The following TAF3 variants were observed in gnomAD, a reference collection of about 807,000 sequenced individuals.
TAF3 encodes TATA-box binding protein associated factor 3.
A neutral mutation model predicts 80.6 loss-of-function variants in TAF3; 7 were observed. That is an observed-to-expected ratio of 0.09 (90% CI 0.05 to 0.16). The LOEUF is 0.16. TAF3 is among the 10% of genes least tolerant of loss of function. The pLI is 1.00. For synonymous variants in TAF3, 444 were observed against 446.1 expected (o/e 1.00, Z 0.06); for missense variants, 921 against 1,140.2 (o/e 0.81, Z 2.77).
At chr10:7,957,483 G>A (rs1015308257) in intron 2 of TAF3, among the ~76,000 whole-genome samples, 1 of 152,084 alleles carries the variant, frequency 6.6e-6, no homozygotes, top group Non-Finnish European at 1.5e-5. Flanking sequence ...TTATTATTTA[G>A]CAGTTTGAAT....
rs536298437 is a variant in TAF3 at position 7,881,401 on chromosome 10, A to G, written c.409+56841A>G. Among the ~76,000 whole-genome samples the G allele has an allele frequency of 4.6e-5, 7 of 152,180 alleles. No individual in the cohort carries two copies. The East Asian group carries it at 9.6e-4, about 21-fold the overall frequency. On this transcript the variant is annotated intron_variant, in intron 2 of 6. Coordinates refer to ENST00000344293, the MANE Select transcript of TAF3 (RefSeq NM_031923.4). ...CCTTTAATGCCGCCTCCAAGTCAGC[A>G]GTATACGAAAACTTCAAAATTCTCT...
At chr10:7,973,388 A>G (rs1831639451) in intron 3 of TAF3, among the ~76,000 whole-genome samples, 1 of 152,228 alleles carries the variant, frequency 6.6e-6, no homozygotes, top group Non-Finnish European at 1.5e-5. Flanking sequence ...TATCACTTCT[A>G]ATACCTCATC....
Position 7,964,692 on chromosome 10 carries a change from G to T in TAF3, c.1182G>T (p.Val394=), listed in dbSNP as rs181572491. 6.2e-6 allele frequency: 10 copies of T among 1,614,216 alleles called. No individual in the cohort carries two copies. The Admixed American group carries it at 1.0e-4, about 16-fold the overall frequency. Residue 394 remains valine (V), a synonymous_variant, in exon 3 of 7, where the codon GTG becomes GTT. Transcript: ENST00000344293. This position sits in a 1 kb window ranked among gnomAD's most constrained non-coding sequence, Gnocchi z 4.1. ...DKTIEASIDA[V]IARACAEREP... ...CGATTGAGGCCTCTATCGATGCTGT[G>T]ATTGCACGAGCCTGTGCTGAGCGAG...
At chr10:7,898,707 TAG>T (rs1588543985) in intron 2 of TAF3, among the ~76,000 whole-genome samples, 1 of 152,098 alleles carries the variant, frequency 6.6e-6, no homozygotes, top group Non-Finnish European at 1.5e-5. Context: ...AAGAAAGAGG[TAG>T]ACTCTCTTTA....
intron 2 of TAF3, among the ~76,000 whole-genome samples, chr10:7,833,204 T>A (rs1836819082): frequency 6.6e-6 from 1 of 152,230 alleles, no homozygotes; most frequent in African/African-American, 2.4e-5. Context: ...TCTTTTCAAA[T>A]CTTTTGGGTA....
intron 4 of TAF3, among the ~76,000 whole-genome samples, chr10:7,978,626 C>G (rs987324468): frequency 1.3e-5 from 2 of 152,182 alleles, no homozygotes; most frequent in African/African-American, 4.8e-5. Context: ...CCTACAGAAG[C>G]ATGAAGAATG....
chr10:7,853,642 G>A (rs1837050469), intron 2 of TAF3, among the ~76,000 whole-genome samples: 1 of 152,194 alleles, frequency 6.6e-6, no homozygotes, highest in Non-Finnish European at 1.5e-5. Context: ...GATTAAACTA[G>A]AGGTCAGCAA....
chr10:8,007,973 T>C (rs779398189), intron 4 of TAF3, among the ~76,000 whole-genome samples: 3 of 152,070 alleles, frequency 2.0e-5, no homozygotes, highest in Non-Finnish European at 4.4e-5. Flanking sequence ...AAGAGGATGC[T>C]GTTAGTGGAG....
At chr10:7,977,896 A>G (rs1008108813) in intron 4 of TAF3, among the ~76,000 whole-genome samples, 2 of 152,190 alleles carry the variant, frequency 1.3e-5, no homozygotes, top group East Asian at 1.9e-4. Flanking sequence ...CTTAATTTTC[A>G]TGGAATCATC....
chr10:7,925,191 T>A (rs1837803340), intron 2 of TAF3, among the ~76,000 whole-genome samples: 1 of 152,234 alleles, frequency 6.6e-6, no homozygotes, highest in South Asian at 2.1e-4. Context: ...AGAATTGTAG[T>A]TCTTTGCTGA....
At chr10:7,899,715 A>G (rs1227513372) in intron 2 of TAF3, among the ~76,000 whole-genome samples, 1 of 152,240 alleles carries the variant, frequency 6.6e-6, no homozygotes. Context: ...TGATTTATGT[A>G]TATGATAGAC....
intron 2 of TAF3, among the ~76,000 whole-genome samples, chr10:7,917,225 C>T (rs1419101035): frequency 6.6e-6 from 1 of 152,116 alleles, no homozygotes; most frequent in Non-Finnish European, 1.5e-5. Flanking sequence ...TGAGAAGAAG[C>T]AAGGAGGGAA....
chr10:7,829,585 G>A (rs1202500279), intron 2 of TAF3, among the ~76,000 whole-genome samples: 1 of 152,170 alleles, frequency 6.6e-6, no homozygotes, highest in Non-Finnish European at 1.5e-5. Flanking sequence ...CTGGGGTTAT[G>A]AGATCTTGGG....
chr10:7,939,011 G>A (rs1303328672), intron 2 of TAF3, among the ~76,000 whole-genome samples: 2 of 152,218 alleles, frequency 1.3e-5, no homozygotes, highest in Admixed American at 6.5e-5. Context: ...ACTTAGCAGA[G>A]TAGAGGAAGC....
intron 2 of TAF3, among the ~76,000 whole-genome samples, chr10:7,900,977 G>A (rs2131171162): frequency 5.3e-4 from 1 of 1,890 alleles, no homozygotes; most frequent in East Asian, 0.1. Context: ...AGCGGTGTAT[G>A]TAGATATTTA....
At chr10:7,843,354 C>T (rs1836937966) in intron 2 of TAF3, among the ~76,000 whole-genome samples, 1 of 151,978 alleles carries the variant, frequency 6.6e-6, no homozygotes. Context: ...AGCGATCCTC[C>T]CCACTCAGCC....
intron 1 of TAF3, among the ~76,000 whole-genome samples, chr10:7,822,734 A>G (rs1836702534): frequency 1.3e-5 from 2 of 152,198 alleles, no homozygotes; most frequent in African/African-American, 2.4e-5. Context: ...AAATTTCAGG[A>G]TTTCAGTTAA....
At chr10:7,891,125 A>T (rs763412784) in intron 2 of TAF3, among the ~76,000 whole-genome samples, 1 of 152,238 alleles carries the variant, frequency 6.6e-6, no homozygotes, top group African/African-American at 2.4e-5. Context: ...TAGTAAGTCA[A>T]TTGAACAGAG....
intron 2 of TAF3, among the ~76,000 whole-genome samples, chr10:7,928,710 G>A (rs544742306): frequency 4.5e-4 from 69 of 152,194 alleles, no homozygotes; most frequent in Non-Finnish European, 7.4e-4. Context: ...TTCTACTCAC[G>A]ATGATCTAGG....
Sources: gnomAD v4.1 joint callset for allele counts (sites outside exome capture counted in the v4.1 genomes callset) on GRCh38, gnomAD v4.1.1 for gene constraint, Gnocchi (gnomAD v3.1) non-coding constraint, MANE v1.5 for transcripts, NCBI Gene and HGNC (gene_info 2026-07-23, HGNC 2026-07-21) for gene names.